The following MGA variants were observed in gnomAD, a reference collection of about 807,000 sequenced individuals.
MGA encodes the protein MAX gene-associated protein.
In MGA, 40 loss-of-function variants were observed where a neutral mutation model predicts 261.1. The ratio of observed to expected loss-of-function variants is 0.15; its 90% CI spans 0.12 to 0.20. The LOEUF (loss-of-function observed/expected upper bound fraction) is 0.20, where lower values mean the gene tolerates loss of function less well. Among genes scored for constraint, MGA ranks in the 10% least tolerant of loss-of-function variants. The probability of loss-of-function intolerance (pLI) is 1.00; values close to 1 mark genes in which losing one functional copy is unlikely to be tolerated. For synonymous variants in MGA, 1,302 were observed against 1,290.6 expected, an observed-to-expected ratio of 1.01 and a Z score of -0.19; for missense variants, 3,397 against 3,630.5, an observed-to-expected ratio of 0.94 and a Z score of 1.65.
At chr15:41,740,308 ATTATTC>A (rs1362322352) in intron 14 of MGA, 105 bp downstream of exon 14, 1 of 1,228,646 alleles carries the variant, frequency 8.1e-7, no homozygotes, top group Non-Finnish European at 1.1e-6. Flanking sequence ...GTACTTTGGC[ATTATTC>A]TTATTCTTGT....
intron 1 of MGA, among the ~76,000 whole-genome samples, chr15:41,647,706 C>A (rs928716885): frequency 6.6e-6 from 1 of 151,976 alleles, no homozygotes; most frequent in Non-Finnish European, 1.5e-5. Flanking sequence ...TTTTTCAAAC[C>A]CCTGGCTTTA....
chr15:41,750,657 T>C, intron 17 of MGA, 42 bp downstream of exon 17: 5 of 1,510,866 alleles, frequency 3.3e-6, no homozygotes, highest in Non-Finnish European at 4.4e-6. Context: ...CTAAAGGATT[T>C]AAATGATTTA....
intron 1 of MGA, among the ~76,000 whole-genome samples, chr15:41,633,812 C>G (rs1288314148): frequency 1.3e-5 from 2 of 152,158 alleles, no homozygotes; most frequent in Non-Finnish European, 2.9e-5. Context: ...TTCCTCTGCT[C>G]AAAACCTTAC....
chr15:41,657,923 T>TA (rs1429583968), upstream of MGA, among the ~76,000 whole-genome samples: 1 of 152,198 alleles, frequency 6.6e-6, no homozygotes. Context: ...TGGATTCTGT[T>TA]ACTTAAGTTG....
At chr15:41,717,641 A>G (rs970534539) in intron 9 of MGA, among the ~76,000 whole-genome samples, 2 of 152,214 alleles carry the variant, frequency 1.3e-5, no homozygotes, top group Non-Finnish European at 2.9e-5. Context: ...AAACCCTGCA[A>G]TAATAATTCT....
chr15:41,683,260 C>A (rs1338258783), intron 2 of MGA, among the ~76,000 whole-genome samples: 1 of 151,938 alleles, frequency 6.6e-6, no homozygotes, highest in East Asian at 1.9e-4. Flanking sequence ...GCTTTGTTAC[C>A]CAGGCTGGAG....
intron 2 of MGA, among the ~76,000 whole-genome samples, chr15:41,674,008 C>T (rs2058235809): frequency 1.3e-5 from 2 of 152,164 alleles, no homozygotes; most frequent in Non-Finnish European, 2.9e-5. Flanking sequence ...TCTCCTGCCT[C>T]AGCCTCCCGA....
Position 41,762,204 on chromosome 15 carries a change from G to C in MGA, c.7586G>C (p.Arg2529Thr). 6.2e-7 allele frequency: 1 copy of C among 1,613,806 alleles called. No individual in the cohort carries two copies. Among genetic ancestry groups the C allele is most frequent in the Non-Finnish European group, 8.5e-7 (1 of 1,179,816 alleles). Reference sequence around the variant, plus strand: ...CAGCAAGCACTAGAGGCACAAAAAAGAAAAAAGAAGATGGGATCAGATGAG... The same window carrying C: ...CAGCAAGCACTAGAGGCACAAAAAACAAAAAAGAAGATGGGATCAGATGAG... Residue 2529 changes from arginine to threonine, a missense_variant, in exon 22 of 24, where the codon AGA becomes ACA. Physicochemically the swap from Arg to Thr is moderately conservative, Grantham distance 71. Around this residue, in one of 9 missense-constraint regions of MGA, gnomAD observed 647 missense variants for 642.4 expected, o/e 1.01. Transcript: ENST00000219905.
At chr15:41,711,497 C>T (rs2060383325) in intron 8 of MGA, 148 bp downstream of exon 8, 2 of 794,060 alleles carry the variant, frequency 2.5e-6, no homozygotes, top group Non-Finnish European at 1.9e-6. Context: ...GCTATGTCTT[C>T]CCCATTTGTT....
rs771336597 is a variant in MGA at position 41,713,272 on chromosome 15, C to T, written c.3206C>T (p.Ala1069Val). Reference sequence around the variant, plus strand: ...CTAGCTTTGGAGAAGCGCCAACCTGCTCACTGCCGCCGACCAGACTGCATG... The same window carrying T: ...CTAGCTTTGGAGAAGCGCCAACCTGTTCACTGCCGCCGACCAGACTGCATG... The change falls in exon 9 of 24, where the codon GCT (alanine) becomes GTT (valine). Residue 1069 changes from alanine to valine, a missense_variant. Around this residue, in one of 9 missense-constraint regions of MGA, gnomAD observed 519 missense variants for 554.1 expected, o/e 0.94. Transcript: ENST00000219905. 1 of 1,613,980 alleles carries T rather than the reference C, an allele frequency of 6.2e-7. No individual in the cohort carries two copies. The highest frequency in any genetic ancestry group is 8.5e-7 in the Non-Finnish European group (1 of 1,179,884).
Position 41,639,830 on chromosome 15 carries a change from G to A in MGA, c.-68+18532G>A, listed in dbSNP as rs531854496. On this transcript the variant is annotated intron_variant, in intron 1 of 8. Transcript: ENST00000566718. ...CCCAAAGTGCTGGGATTACAGGCGT[G>A]AGCCACCGTGCCTGGCCCCAGGAGC... is the stretch of plus-strand genomic sequence containing the variant. 3.3e-5 allele frequency among the ~76,000 whole-genome samples: 5 copies of A among 152,286 alleles called. No homozygotes were observed. The East Asian group carries it at 7.7e-4, about 24-fold the overall frequency.
Position 41,711,198 on chromosome 15 carries a change from A to G in MGA, c.2933A>G (p.Gln978Arg). Reference sequence around the variant, plus strand: ...TTGCGGCAGGCACAGCAGCAGCAGCAACAGCAACAGGGAAGTCGCCCTCCA... The same window carrying G: ...TTGCGGCAGGCACAGCAGCAGCAGCGACAGCAACAGGGAAGTCGCCCTCCA... The change falls in exon 8 of 24, where the codon CAA becomes CGA. Residue 978 changes from glutamine (Q) to arginine (R), a missense_variant. By Grantham distance (43) the Gln-to-Arg change is conservative. Coordinates refer to ENST00000219905, the MANE Select transcript of MGA (RefSeq NM_001164273.2). 1 of 1,614,052 alleles carries G rather than the reference A, an allele frequency of 6.2e-7. No individual in the cohort carries two copies. The highest frequency in any genetic ancestry group is 2.2e-5 in the East Asian group (1 of 44,884).
chr15:41,656,600 T>C (rs893225916), upstream of MGA, among the ~76,000 whole-genome samples: 8 of 151,810 alleles, frequency 5.3e-5, no homozygotes, highest in Non-Finnish European at 1.0e-4. Context: ...GCTCAAACAG[T>C]CCGTCCCACC....
Position 41,703,370 on chromosome 15 carries a change from C to CCA in MGA, c.2188+4212_2188+4213insAC, listed in dbSNP as rs1555419065. Among the ~76,000 whole-genome samples the CCA allele has an allele frequency of 2.3e-5, 3 of 129,522 alleles. No individual in the cohort carries two copies. The East Asian group carries it at 8.1e-4, about 35-fold the overall frequency. The allele number at this position is 129,522 out of a possible 152,430, so 85.0% of individuals were successfully genotyped here. ...GTCAGTTTATTCATTGTGAAGTTACCCCCCCCCCCACTCCCCACCCTCCCT... is the reference window on the plus strand; with the variant it reads ...GTCAGTTTATTCATTGTGAAGTTACCCACCCCCCCCCACTCCCCACCCTCCCT... On this transcript the variant is annotated intron_variant, in intron 5 of 23. Coordinates refer to ENST00000219905, the MANE Select transcript of MGA (RefSeq NM_001164273.2).
intron 1 of MGA, among the ~76,000 whole-genome samples, chr15:41,634,717 G>A (rs1433872170): frequency 6.6e-6 from 1 of 152,078 alleles, no homozygotes; most frequent in Non-Finnish European, 1.5e-5. Flanking sequence ...AAGGCCAAAT[G>A]ATGGTAAATG....
At chr15:41,671,732 C>T (rs1461622755) in intron 2 of MGA, among the ~76,000 whole-genome samples, 2 of 152,256 alleles carry the variant, frequency 1.3e-5, no homozygotes, top group East Asian at 1.9e-4. Context: ...AATTGTAGGC[C>T]ACTAACAGCT....
chr15:41,769,510 T>C lies in MGA; in HGVS notation c.*2230T>C, dbSNP rs1351538146. 1 of 152,088 alleles carries C rather than the reference T, an allele frequency of 6.6e-6. No individual in the cohort carries two copies. 9.4% of individuals were successfully genotyped at this position (152,088 alleles called of 1,614,324 possible). A position where few individuals can be genotyped will look rare whatever the true frequency, so the allele number is the denominator to read the frequency against. On this transcript the variant is annotated 3_prime_UTR_variant, in exon 24 of 24. Coordinates refer to ENST00000219905, the MANE Select transcript of MGA (RefSeq NM_001164273.2). ...GAACTAGGTGTTGTCAGGGATAATT[T>C]GAGGAGGGCTTAGTCTTCAGAACAA...
At chr15:41,663,135 G>T (rs2057515279) in intron 1 of MGA, among the ~76,000 whole-genome samples, 1 of 152,076 alleles carries the variant, frequency 6.6e-6, no homozygotes, top group Admixed American at 6.6e-5. Flanking sequence ...AAAATAGGGA[G>T]TCTGAAATTG....
rs548739857 is a variant in MGA, at chr15:41,639,114, C to T, written c.-68+17816C>T. Among the ~76,000 whole-genome samples, 47 of 152,298 alleles carry T rather than the reference C, an allele frequency of 3.1e-4. 1 individual carries two copies. Among genetic ancestry groups the T allele is most frequent in the African/African-American group, 1.0e-3 (43 of 41,570 alleles). On this transcript the variant is annotated intron_variant, in intron 1 of 8. Transcript: ENST00000566718. Reference sequence around the variant, plus strand: ...TTTCAGCATGAGAATTTGTCCTTCTCTTCCTGGTTGGGGATCATAATGTCT... The same window carrying T: ...TTTCAGCATGAGAATTTGTCCTTCTTTTCCTGGTTGGGGATCATAATGTCT...
Sources: allele counts gnomAD v4.1 joint callset (sites outside exome capture counted in the v4.1 genomes callset), GRCh38; gene constraint gnomAD v4.1.1; regional missense constraint gnomAD v4.1.1; transcripts MANE v1.5; gene names NCBI Gene and HGNC (gene_info 2026-07-23, HGNC 2026-07-21).